The following EBF4 variants were observed in gnomAD, a reference collection of about 807,000 sequenced individuals.
The protein encoded by EBF4 is EBF transcription factor 4.
EBF4 carries 34 observed loss-of-function variants against 67.1 expected under a neutral mutation model. That is an observed-to-expected ratio of 0.51 (90% CI 0.39 to 0.67). The LOEUF (loss-of-function observed/expected upper bound fraction) is 0.67, where lower values mean the gene tolerates loss of function less well. Among genes scored for constraint, EBF4 ranks in the 30% least tolerant of loss-of-function variants. The pLI, the probability that EBF4 is intolerant of heterozygous loss-of-function variation, is 0.00. For missense variants in EBF4, 837 were observed against 873.3 expected, an observed-to-expected ratio of 0.96 and a Z score of 0.52; for synonymous variants, 387 against 377.7, an observed-to-expected ratio of 1.02 and a Z score of -0.29.
intron 1 of EBF4, among the ~76,000 whole-genome samples, chr20:2,695,277 C>T (rs1046747838): frequency 2.6e-5 from 4 of 152,116 alleles, no homozygotes; most frequent in South Asian, 4.1e-4. Context: ...GCAACCTTTC[C>T]CTCTGTGCCT....
chr20:2,727,366 G>A (rs1483256227), intron 6 of EBF4, among the ~76,000 whole-genome samples: 8 of 152,020 alleles, frequency 5.3e-5, no homozygotes, highest in African/African-American at 1.9e-4. Context: ...TGCAGGGATT[G>A]GCCAGGTTCC....
intron 6 of EBF4, among the ~76,000 whole-genome samples, chr20:2,723,672 G>A (rs1015792946): frequency 2.6e-5 from 4 of 152,152 alleles, no homozygotes; most frequent in African/African-American, 7.2e-5. Flanking sequence ...TTAATAGCAC[G>A]TTGCTGGATT....
chr20:2,754,000 A>G (rs1343206658), intron 14 of EBF4, among the ~76,000 whole-genome samples: 2 of 71,958 alleles, frequency 2.8e-5, no homozygotes, highest in Admixed American at 1.4e-4. Flanking sequence ...GGAACATCAC[A>G]TACACTGTGG....
Position 2,744,492 on chromosome 20 carries a change from C to CTTTTTTT in EBF4, c.558-4046_558-4040dup, listed in dbSNP as rs35298353. On this transcript the variant is annotated intron_variant, in intron 6 of 16. Transcript: ENST00000609451. ...CTTTTCTTTTTTCTTTTTTTCTTTT[C>CTTTTTTT]TTTTTTTTTTTTTTTTTGAGACAGG... Among the ~76,000 whole-genome samples the CTTTTTTT allele has an allele frequency of 2.0e-3, 235 of 115,818 alleles. 1 individual carries two copies. Among genetic ancestry groups the CTTTTTTT allele is most frequent in the African/African-American group, 5.0e-3 (151 of 29,938 alleles). 76.0% of individuals were successfully genotyped at this position (115,818 alleles called of 152,430 possible).
At chr20:2,698,528 G>A (rs566792565) in intron 1 of EBF4, among the ~76,000 whole-genome samples, 25 of 152,344 alleles carry the variant, frequency 1.6e-4, no homozygotes, top group African/African-American at 6.0e-4. Flanking sequence ...GAGGGTGCCT[G>A]CAGGGGAGAG....
At position 2,712,070 on chromosome 20, in the gene EBF4, G is replaced by A. The variant is rs2087551794; in HGVS notation, c.557+2428G>A. 2.0e-5 allele frequency among the ~76,000 whole-genome samples: 3 copies of A among 152,192 alleles called. No individual in the cohort carries two copies. In the South Asian group the frequency reaches 6.2e-4, roughly 31 times the overall value. On this transcript the variant is annotated intron_variant, in intron 6 of 16. Coordinates refer to ENST00000609451, the Ensembl canonical transcript of EBF4. ...GGAAATGATGTCAGGAATAATGAAT[G>A]GGGCAGAGGAAGGCACGACCATGCA... is the stretch of plus-strand genomic sequence containing the variant.
intron 14 of EBF4, chr20:2,754,969 C>CCA (rs2088215232): frequency 1.1e-5 from 1 of 86,986 alleles, no homozygotes; most frequent in African/African-American, 3.3e-5. Context: ...TTCAGGAGAC[C>CCA]ACCCCCCCCC....
At position 2,751,732 on chromosome 20, in the gene EBF4, C is replaced by T; in HGVS notation, c.1051C>T (p.Gln351Ter). The change falls in exon 11 of 17, where the codon CAG becomes TAG. Residue 351 changes from glutamine to a stop codon, truncating the protein, a stop_gained. Transcript: ENST00000609451. LOFTEE classifies it high-confidence loss of function. This position sits in a 1 kb window ranked among gnomAD's most constrained non-coding sequence, Gnocchi z 5.2. ...CGAGCCCACCATTGACTACGGATTC[C>T]AGAGGCTACAGAAAGTCATTCCCAG... The T allele has an allele frequency of 6.4e-7, 1 of 1,550,880 alleles. No individual in the cohort carries two copies. Among genetic ancestry groups the T allele is most frequent in the Non-Finnish European group, 8.7e-7 (1 of 1,146,834 alleles).
chr20:2,723,635 CA>C lies in EBF4; in HGVS notation c.557+13994del, dbSNP rs1191669706. ...AAGTGCTGGGATTACAGGCTTGAGCCACCGCGCCCGGCCAGATGTTTCTCTT... is the reference window on the plus strand; with the variant it reads ...AAGTGCTGGGATTACAGGCTTGAGCCCCGCGCCCGGCCAGATGTTTCTCTT... On this transcript the variant is annotated intron_variant, in intron 6 of 16. Transcript: ENST00000609451. Among the ~76,000 whole-genome samples, 13 of 152,338 alleles carry C rather than the reference CA, an allele frequency of 8.5e-5. No homozygotes were observed. The East Asian group carries it at 2.3e-3, about 27-fold the overall frequency.
downstream of EBF4, chr20:2,759,738 C>T (rs1600252808): frequency 6.6e-6 from 1 of 152,402 alleles, no homozygotes; most frequent in Non-Finnish European, 1.5e-5. Context: ...AAGGGTGGCG[C>T]CCCGCAGCCT....
At position 2,755,611 on chromosome 20, in the gene EBF4, C is replaced by G; in HGVS notation, c.1541-16C>G. 1 of 1,263,228 alleles carries G rather than the reference C, an allele frequency of 7.9e-7. No homozygotes were observed. Among genetic ancestry groups the G allele is most frequent in the Non-Finnish European group, 1.1e-6 (1 of 890,702 alleles). 78.3% of individuals were successfully genotyped at this position (1,263,228 alleles called of 1,614,324 possible). On this transcript the variant is annotated splice_polypyrimidine_tract_variant and intron_variant, in intron 14 of 16. Transcript: ENST00000609451. The surrounding 1 kb of genome is among the most constrained non-coding windows in gnomAD (Gnocchi z 4.7). ...CCTTCCCTGCTGCGCCTGCCCCTCC[C>G]CGCCCCGCCCCGGAGTCATGCCCTC...
rs1568569108 is a variant in EBF4, at chr20:2,707,891, C to T, written c.415-56C>T. On this transcript the variant is annotated intron_variant, in intron 4 of 16. Coordinates refer to ENST00000609451, the Ensembl canonical transcript of EBF4. This position sits in a 1 kb window ranked among gnomAD's most constrained non-coding sequence, Gnocchi z 4.6. ...GATGCCAGGTCCGTCTGTGCTGCCA[C>T]CTGCACCTCAGAGGAGCCTCCTTCC... 1 of 1,495,900 alleles carries T rather than the reference C, an allele frequency of 6.7e-7. No individual in the cohort carries two copies. The highest frequency in any genetic ancestry group is 9.0e-7 in the Non-Finnish European group (1 of 1,105,768). The allele number at this position is 1,495,900 out of a possible 1,614,324, so 92.7% of individuals were successfully genotyped here.
At chr20:2,750,661 C>T (rs575830429) in intron 10 of EBF4, among the ~76,000 whole-genome samples, 2 of 152,282 alleles carry the variant, frequency 1.3e-5, no homozygotes, top group African/African-American at 4.8e-5. Context: ...GAGGGACACT[C>T]GGTAGTGACC....
At chr20:2,749,907 G>C (rs775992456) in exon 10 of EBF4, 39 of 1,551,490 alleles carry the variant, frequency 2.5e-5, no homozygotes, top group Non-Finnish European at 3.1e-5. Flanking sequence ...CGGGGTGGTG[G>C]AGGTGACCCT....
At chr20:2,758,816 C>T (rs2146528080) in intron 15 of EBF4, 93 bp from the exon 16 acceptor site, 1 of 1,131,144 alleles carries the variant, frequency 8.8e-7, no homozygotes, top group South Asian at 1.3e-5. Flanking sequence ...AGTGCTATAT[C>T]CCCTGCCTGC....
At position 2,751,629 on chromosome 20, in the gene EBF4, C is replaced by T; in HGVS notation, c.1019-71C>T. 9 of 1,478,474 alleles carry T rather than the reference C, an allele frequency of 6.1e-6. No individual in the cohort carries two copies. The highest frequency in any genetic ancestry group is 8.3e-6 in the Non-Finnish European group (9 of 1,083,822). The allele number at this position is 1,478,474 out of a possible 1,614,324, so 91.6% of individuals were successfully genotyped here. ...GGACTGGGCGCTGGCCTGCTTTTGG[C>T]GCCCTGCGTCTCACCCTGGGAGTGG... On this transcript the variant is annotated intron_variant, in intron 10 of 16. Coordinates refer to ENST00000609451, the Ensembl canonical transcript of EBF4. This position sits in a 1 kb window ranked among gnomAD's most constrained non-coding sequence, Gnocchi z 5.2.
At chr20:2,736,867 A>C (rs1453736778) in intron 6 of EBF4, among the ~76,000 whole-genome samples, 1 of 152,070 alleles carries the variant, frequency 6.6e-6, no homozygotes, top group Non-Finnish European at 1.5e-5. Context: ...TTATGAGGAG[A>C]CCTCTGGGCA....
Position 2,756,324 on chromosome 20 carries a change from T to C in EBF4, c.1738+500T>C, listed in dbSNP as rs1463068886. ...TTACAGATTAGGACTTGAGACCAAG[T>C]CATCTTCCCACATCCCATTCATGAA... is the stretch of plus-strand genomic sequence containing the variant. On this transcript the variant is annotated intron_variant, in intron 15 of 16. Transcript: ENST00000609451. This position sits in a 1 kb window ranked among gnomAD's most constrained non-coding sequence, Gnocchi z 4.5. Among the ~76,000 whole-genome samples the C allele has an allele frequency of 6.6e-6, 1 of 152,230 alleles. No individual in the cohort carries two copies. Among genetic ancestry groups the C allele is most frequent in the Non-Finnish European group, 1.5e-5 (1 of 68,032 alleles).
chr20:2,731,464 A>G (rs190911980), intron 6 of EBF4, among the ~76,000 whole-genome samples: 34 of 152,300 alleles, frequency 2.2e-4, no homozygotes, highest in Admixed American at 1.4e-3. Flanking sequence ...ACTTATAAAG[A>G]CATAACCTAA....
Sources: gnomAD v4.1 joint callset for allele counts (sites outside exome capture counted in the v4.1 genomes callset) on GRCh38, gnomAD v4.1.1 for gene constraint, Gnocchi (gnomAD v3.1) non-coding constraint, MANE v1.5 for transcripts, NCBI Gene and HGNC (gene_info 2026-07-23, HGNC 2026-07-21) for gene names.